Variants in ARPP21 observed in about 807,000 individuals in gnomAD.
ARPP21 encodes cAMP-regulated phosphoprotein 21.
ARPP21 carries 69 observed loss-of-function variants against 113.2 expected under a neutral mutation model. The observed-to-expected ratio is 0.61, with a 90% CI of 0.50 to 0.74. The LOEUF is 0.74. Among genes scored for constraint, ARPP21 ranks in the 30% least tolerant of loss-of-function variants. ARPP21 has a pLI of 0.00. For missense variants in ARPP21, 1,070 were observed against 1,037.4 expected, an observed-to-expected ratio of 1.03 and a Z score of -0.43; for synonymous variants, 368 against 375.5, an observed-to-expected ratio of 0.98 and a Z score of 0.23.
chr3:35,657,832 C>T (rs1222662162), intron 1 of ARPP21, among the ~76,000 whole-genome samples: 1 of 152,056 alleles, frequency 6.6e-6, no homozygotes, highest in Non-Finnish European at 1.5e-5. Context: ...GCTCCATAAA[C>T]CTTAGAAATA....
chr3:35,640,576 G>T (rs907880364), intron 1 of ARPP21, among the ~76,000 whole-genome samples, 178 bp downstream of exon 1: 1 of 151,962 alleles, frequency 6.6e-6, no homozygotes, highest in South Asian at 2.1e-4. Flanking sequence ...TTTATGTTTC[G>T]TCAAGGAGGG....
At position 35,738,441 on chromosome 3, in the gene ARPP21, G is replaced by T; in HGVS notation, c.1749+123G>T. 4 of 689,146 alleles carry T rather than the reference G, an allele frequency of 5.8e-6. 1 individual carries two copies. The South Asian group carries it at 7.1e-5, about 12-fold the overall frequency. 42.7% of individuals were successfully genotyped at this position (689,146 alleles called of 1,614,324 possible). ...CCCTGGGCTGACTGTGAGGGGGTATGTGCGAATGTCTCATTTCTGAACATT... is the reference window on the plus strand; with the variant it reads ...CCCTGGGCTGACTGTGAGGGGGTATTTGCGAATGTCTCATTTCTGAACATT... On this transcript the variant is annotated intron_variant, in intron 17 of 20. Coordinates refer to ENST00000684406, the MANE Select transcript of ARPP21 (RefSeq NM_001385562.1).
At chr3:35,781,798 G>T (rs1022841103) in intron 19 of ARPP21, among the ~76,000 whole-genome samples, 6 of 151,988 alleles carry the variant, frequency 3.9e-5, no homozygotes, top group African/African-American at 1.2e-4. Context: ...AGAATCAGAG[G>T]TCATGTTCCC....
At chr3:35,665,520 A>C (rs6783546) in intron 1 of ARPP21, among the ~76,000 whole-genome samples, 104,045 of 152,060 alleles carry the variant, frequency 0.68, 36,493 homozygotes, top group African/African-American at 0.84. Flanking sequence ...TTCTACATTG[A>C]AGTAGTTAAT....
rs1559550055 is a variant in ARPP21, at chr3:35,668,012, AAG to A, written c.-212-11773_-212-11772del. Among the ~76,000 whole-genome samples, 32 of 143,732 alleles carry A rather than the reference AAG, an allele frequency of 2.2e-4. 1 individual carries two copies. Among genetic ancestry groups the A allele is most frequent in the African/African-American group, 8.1e-4 (31 of 38,454 alleles). The allele number at this position is 143,732 out of a possible 152,430, so 94.3% of individuals were successfully genotyped here. ...GAAGAAGAAGAAGAAGAAGAAGAAG[AAG>A]AAGAAGAAGAAGAAGAAGGAGAAGA... On this transcript the variant is annotated intron_variant, in intron 1 of 20. Coordinates refer to ENST00000684406, the MANE Select transcript of ARPP21 (RefSeq NM_001385562.1).
At chr3:35,687,695 A>T in intron 5 of ARPP21, 44 bp from the exon 6 acceptor site, 2 of 1,555,132 alleles carry the variant, frequency 1.3e-6, no homozygotes, top group Non-Finnish European at 1.7e-6. Context: ...CCAGACAGAG[A>T]TGATTAAACC....
intron 19 of ARPP21, among the ~76,000 whole-genome samples, chr3:35,753,636 T>C (rs9810903): frequency 0.026 from 4,004 of 152,156 alleles, 182 homozygotes; most frequent in African/African-American, 0.088. Flanking sequence ...CTGTGGAACA[T>C]GTATATTTGA....
chr3:35,713,625 C>G (rs1389092861), intron 11 of ARPP21, among the ~76,000 whole-genome samples: 9 of 152,102 alleles, frequency 5.9e-5, no homozygotes, highest in Non-Finnish European at 1.3e-4. Flanking sequence ...AACCCCTGAG[C>G]TCAGGCGATC....
At chr3:35,782,442 G>T (rs762831649) in intron 19 of ARPP21, among the ~76,000 whole-genome samples, 7 of 152,054 alleles carry the variant, frequency 4.6e-5, no homozygotes, top group Non-Finnish European at 7.4e-5. Context: ...AGCTTCTGTT[G>T]TCTTCCCAGA....
At chr3:35,779,441 T>A (rs1213706842) in intron 19 of ARPP21, among the ~76,000 whole-genome samples, 1 of 152,154 alleles carries the variant, frequency 6.6e-6, no homozygotes, top group Non-Finnish European at 1.5e-5. Context: ...GTCCCTGATT[T>A]ATGAGAAATT....
rs150700593 is a variant in ARPP21 at position 35,695,699 on chromosome 3, A to T, written c.686+4694A>T. ...TTGAGAAAGGGTAAGACTTAAACAAATGTAGTAAGGAGGGGGATACATGGC... is the reference window on the plus strand; with the variant it reads ...TTGAGAAAGGGTAAGACTTAAACAATTGTAGTAAGGAGGGGGATACATGGC... On this transcript the variant is annotated intron_variant, in intron 9 of 20. Coordinates refer to ENST00000684406, the MANE Select transcript of ARPP21 (RefSeq NM_001385562.1). Among the ~76,000 whole-genome samples, 1,234 of 151,622 alleles carry T rather than the reference A, an allele frequency of 8.1e-3. 11 individuals carry two copies. The highest frequency in any genetic ancestry group is 0.027 in the African/African-American group (1,116 of 41,454).
intron 19 of ARPP21, among the ~76,000 whole-genome samples, chr3:35,789,296 T>C (rs1351404329): frequency 6.6e-6 from 1 of 152,192 alleles, no homozygotes; most frequent in Non-Finnish European, 1.5e-5. Context: ...CACTGCTATT[T>C]TATTTCTGTT....
intron 1 of ARPP21, among the ~76,000 whole-genome samples, chr3:35,645,075 T>C (rs1699695852): frequency 1.3e-5 from 2 of 151,938 alleles, no homozygotes; most frequent in African/African-American, 4.8e-5. Context: ...TTATCAGTCA[T>C]AAATTCATAC....
intron 9 of ARPP21, among the ~76,000 whole-genome samples, chr3:35,694,773 TTTGAAGATTAACTCAA>T (rs1228318460): frequency 2.0e-5 from 3 of 151,036 alleles, no homozygotes; most frequent in African/African-American, 4.8e-5. Context: ...ACAAGATATT[TTTGAAGATTAACTCAA>T]TGGTATCATT....
intron 19 of ARPP21, among the ~76,000 whole-genome samples, chr3:35,752,336 A>C (rs1294201056): frequency 6.6e-6 from 1 of 152,074 alleles, no homozygotes; most frequent in Admixed American, 6.6e-5. Context: ...GAAACGATGT[A>C]TGTTTAAAGA....
chr3:35,719,600 C>G (rs2150266310), intron 13 of ARPP21, among the ~76,000 whole-genome samples: 1 of 152,208 alleles, frequency 6.6e-6, no homozygotes, highest in South Asian at 2.1e-4. Context: ...GTCACACTGG[C>G]TTTTACAGAA....
chr3:35,681,065 G>T (rs572702385), intron 2 of ARPP21: 2 of 151,914 alleles, frequency 1.3e-5, no homozygotes, highest in South Asian at 2.1e-4. Flanking sequence ...GGATCTTGTC[G>T]CACCAGCAAC....
intron 10 of ARPP21, among the ~76,000 whole-genome samples, chr3:35,707,692 T>C (rs2089678243): frequency 6.6e-6 from 1 of 152,168 alleles, no homozygotes; most frequent in Non-Finnish European, 1.5e-5. Context: ...AGCAGAACTT[T>C]ATCCTTGTGT....
At chr3:35,707,376 A>C (rs984863281) in intron 10 of ARPP21, 3 of 570,424 alleles carry the variant, frequency 5.3e-6, no homozygotes, top group Non-Finnish European at 1.0e-5. Context: ...ACAGGCTCCG[A>C]GCTGTGGAGA....
Sources: allele counts gnomAD v4.1 joint callset (sites outside exome capture counted in the v4.1 genomes callset), GRCh38; gene constraint gnomAD v4.1.1; transcripts MANE v1.5; gene names NCBI Gene and HGNC (gene_info 2026-07-23, HGNC 2026-07-21).